The following EML4 variants were observed in gnomAD, a reference collection of about 807,000 sequenced individuals.
EML4 encodes the protein echinoderm microtubule-associated protein-like 4.
A neutral mutation model predicts 129.0 loss-of-function variants in EML4; 72 were observed. That is an observed-to-expected ratio of 0.56 (90% CI 0.46 to 0.68). The LOEUF (loss-of-function observed/expected upper bound fraction) is 0.68, where lower values mean the gene tolerates loss of function less well. Among genes scored for constraint, EML4 ranks in the 30% least tolerant of loss-of-function variants. The pLI is 0.00. For synonymous variants in EML4, 532 were observed against 405.0 expected (o/e 1.31, Z -3.77); for missense variants, 1,363 against 1,190.6 (o/e 1.14, Z -2.13).
intron 2 of EML4, among the ~76,000 whole-genome samples, chr2:42,254,429 G>A (rs1334512621): frequency 6.7e-6 from 1 of 150,204 alleles, no homozygotes; most frequent in East Asian, 1.9e-4. Context: ...TGGCACTCCA[G>A]CCTGGGCAAC....
chr2:42,216,374 C>T (rs1014291564), intron 1 of EML4, among the ~76,000 whole-genome samples: 2 of 149,838 alleles, frequency 1.3e-5, no homozygotes, highest in African/African-American at 4.9e-5. Context: ...TCCTGAGTAG[C>T]TGGGATTACA....
chr2:42,293,256 G>A (rs757714000), intron 11 of EML4, among the ~76,000 whole-genome samples: 6 of 151,594 alleles, frequency 4.0e-5, no homozygotes, highest in African/African-American at 1.2e-4. Flanking sequence ...ACTACAGCGC[G>A]CACCGCCACG....
chr2:42,244,101 G>GTTTTTTTTTTTTT (rs147426155), intron 1 of EML4, among the ~76,000 whole-genome samples: 5 of 81,368 alleles, frequency 6.1e-5, no homozygotes, highest in African/African-American at 1.0e-4. Flanking sequence ...TTTGTTTTTT[G>GTTTTTTTTTTTTT]TTTTTTTTTT....
At chr2:42,262,688 C>A (rs890730837) in intron 4 of EML4, among the ~76,000 whole-genome samples, 1 of 152,234 alleles carries the variant, frequency 6.6e-6, no homozygotes, top group Non-Finnish European at 1.5e-5. Context: ...TTGTTTATTT[C>A]TGATCATTGG....
intron 1 of EML4, among the ~76,000 whole-genome samples, chr2:42,194,348 T>TCTA (rs964897934): frequency 1.6e-5 from 1 of 61,716 alleles, no homozygotes; most frequent in Admixed American, 1.3e-4. Context: ...TCTCTCTCTC[T>TCTA]TTTTTTTTTT....
chr2:42,203,817 TGTAACTATA>T (rs1287143521), intron 1 of EML4, among the ~76,000 whole-genome samples: 1 of 151,996 alleles, frequency 6.6e-6, no homozygotes, highest in African/African-American at 2.4e-5. Flanking sequence ...AAGAGTCCCC[TGTAACTATA>T]GTAACTATAG....
At chr2:42,286,883 A>G (rs1021794267) in intron 10 of EML4, among the ~76,000 whole-genome samples, 3 of 152,226 alleles carry the variant, frequency 2.0e-5, no homozygotes, top group Admixed American at 6.5e-5. Flanking sequence ...ATTGATGACA[A>G]CATGGGTTTA....
chr2:42,178,475 T>C (rs111415685), intron 1 of EML4, among the ~76,000 whole-genome samples: 2 of 151,026 alleles, frequency 1.3e-5, no homozygotes, highest in Admixed American at 6.6e-5. Context: ...GCCCAGGAGG[T>C]GGAGGCTGCA....
intron 19 of EML4, among the ~76,000 whole-genome samples, chr2:42,318,387 C>G (rs1445109921): frequency 1.3e-5 from 2 of 152,038 alleles, no homozygotes; most frequent in Non-Finnish European, 2.9e-5. Flanking sequence ...TATATTTAAG[C>G]AAAAACTAGG....
At chr2:42,287,064 A>G (rs1163318967) in intron 10 of EML4, among the ~76,000 whole-genome samples, 2 of 152,194 alleles carry the variant, frequency 1.3e-5, no homozygotes, top group Non-Finnish European at 2.9e-5. Context: ...TTTTAGTTTC[A>G]AAGATAAATA....
At chr2:42,257,028 G>A (rs1208300422) in intron 3 of EML4, among the ~76,000 whole-genome samples, 2 of 152,102 alleles carry the variant, frequency 1.3e-5, no homozygotes, top group Admixed American at 6.5e-5. Flanking sequence ...TTAGTGGGAG[G>A]TCAAATGCTA....
chr2:42,256,496 T>G lies in EML4; in HGVS notation c.209-5T>G. On this transcript the variant is annotated splice_region_variant and splice_polypyrimidine_tract_variant and intron_variant, in intron 2 of 22. Transcript: ENST00000318522. ...GATATAATTTTTTTCCTTAATTATC[T>G]TTAGGCCAACCAAGCCCTCGAGCAG... 1 of 1,591,312 alleles carries G rather than the reference T, an allele frequency of 6.3e-7. No individual in the cohort carries two copies. The highest frequency in any genetic ancestry group is 8.5e-7 in the Non-Finnish European group (1 of 1,171,558).
intron 17 of EML4, among the ~76,000 whole-genome samples, chr2:42,306,572 A>C (rs1668613494): frequency 7.1e-6 from 1 of 140,140 alleles, no homozygotes; most frequent in African/African-American, 2.7e-5. Context: ...GGCTCACAGC[A>C]AGTTCCGCCT....
intron 19 of EML4, among the ~76,000 whole-genome samples, chr2:42,319,105 C>G (rs79059977): frequency 1.3e-5 from 2 of 152,160 alleles, no homozygotes; most frequent in African/African-American, 2.4e-5. Context: ...ACAGGTAGCC[C>G]TGTAGCACTT....
At chr2:42,293,625 G>A (rs898737774) in intron 11 of EML4, among the ~76,000 whole-genome samples, 1 of 151,312 alleles carries the variant, frequency 6.6e-6, no homozygotes, top group African/African-American at 2.4e-5. Flanking sequence ...GTTTTGTTTC[G>A]TTTTGAGACA....
chr2:42,245,646 A>G lies in EML4; in HGVS notation c.167A>G (p.Glu56Gly). 1 of 1,613,370 alleles carries G rather than the reference A, an allele frequency of 6.2e-7. No individual in the cohort carries two copies. Among genetic ancestry groups the G allele is most frequent in the Non-Finnish European group, 8.5e-7 (1 of 1,179,546 alleles). Reference protein sequence around the residue: ...ADVLRRLAISEDHVASVKKSV... With the variant: ...ADVLRRLAISGDHVASVKKSV... ...GTTTTGAGGCGTCTTGCAATCTCTG[A>G]AGATCATGTGGCCTCAGTGAAAAAA... is the stretch of plus-strand genomic sequence containing the variant. The change falls in exon 2 of 23, where the codon GAA becomes GGA. Residue 56 changes from glutamate to glycine, a missense_variant. Transcript: ENST00000318522.
In EML4 at chr2:42,241,926, C is replaced by G. The variant is rs536975612; in HGVS notation, c.26-3579C>G. ...ATGAAAGGCACAATATAAATGCAGG[C>G]AATTGTTAACTTTGTATATGTTATG... On this transcript the variant is annotated intron_variant, in intron 1 of 22. Coordinates refer to ENST00000318522, the MANE Select transcript of EML4 (RefSeq NM_019063.5). 4.2e-4 allele frequency among the ~76,000 whole-genome samples: 64 copies of G among 151,796 alleles called. No individual in the cohort carries two copies. The Middle Eastern group carries it at 0.034, about 81-fold the overall frequency.
rs568777130 is a variant in EML4, at chr2:42,314,414, G to C, written c.1968-1548G>C. On this transcript the variant is annotated intron_variant, in intron 17 of 22. Transcript: ENST00000318522. ...TGTTCAGTTCATGAATGAATTTTTA[G>C]TAACTTGTAAGCTATGGGCTGAAAC... Among the ~76,000 whole-genome samples the C allele has an allele frequency of 1.6e-3, 237 of 152,170 alleles. 1 individual carries two copies. The highest frequency in any genetic ancestry group is 5.5e-3 in the African/African-American group (229 of 41,540).
chr2:42,311,638 C>A (rs1055331554), intron 17 of EML4, among the ~76,000 whole-genome samples: 1 of 152,092 alleles, frequency 6.6e-6, no homozygotes, highest in Admixed American at 6.5e-5. Context: ...AGTTCTGTAT[C>A]TTGTCATTTT....
Sources: allele counts gnomAD v4.1 joint callset (sites outside exome capture counted in the v4.1 genomes callset), GRCh38; gene constraint gnomAD v4.1.1; transcripts MANE v1.5; gene names NCBI Gene and HGNC (gene_info 2026-07-23, HGNC 2026-07-21).